Variants in DCHS2 observed in about 807,000 individuals in gnomAD.
DCHS2 encodes the protein dachsous cadherin-related 2, also known as protocadherin-23.
In DCHS2, 142 loss-of-function variants were observed where a neutral mutation model predicts 182.4. The observed-to-expected ratio is 0.78, with a 90% CI of 0.68 to 0.89. The LOEUF (loss-of-function observed/expected upper bound fraction) is 0.89, where lower values mean the gene tolerates loss of function less well. Ranked by LOEUF, DCHS2 falls within the 40% of genes least tolerant of loss-of-function variation. The pLI is 0.00. For synonymous variants in DCHS2, 1,740 were observed against 1,663.3 expected (o/e 1.05, Z -1.12); for missense variants, 4,319 against 4,198.6 (o/e 1.03, Z -0.79).
chr4:154,291,029 A>G (rs1734634468), intron 13 of DCHS2, among the ~76,000 whole-genome samples: 1 of 152,182 alleles, frequency 6.6e-6, no homozygotes, highest in African/African-American at 2.4e-5. Flanking sequence ...AATACTTGCA[A>G]ACTATCTATC....
At chr4:154,444,565 C>T (rs1415977175) in intron 1 of DCHS2, among the ~76,000 whole-genome samples, 1 of 152,190 alleles carries the variant, frequency 6.6e-6, no homozygotes, top group East Asian at 1.9e-4. Context: ...CCAGCACCAC[C>T]TTGCACCTGC....
chr4:154,298,767 G>A (rs1292798098), intron 12 of DCHS2, 59 bp from the exon 13 acceptor site: 2 of 1,516,378 alleles, frequency 1.3e-6, no homozygotes, highest in Non-Finnish European at 1.8e-6. Context: ...CTCTTTGCTA[G>A]CACTATCTAT....
At position 154,333,483 on chromosome 4, in the gene DCHS2, G is replaced by A. The variant is rs752805201; in HGVS notation, c.2725C>T (p.Pro909Ser). The A allele has an allele frequency of 1.7e-5, 28 of 1,607,554 alleles. No homozygotes were observed. In the East Asian group the frequency reaches 6.3e-4, roughly 36 times the overall value. ...KAREPLNSSEPIFYRISSGDL... is the reference protein window; with the variant it reads ...KAREPLNSSESIFYRISSGDL... ...CCAGAAGAAATCCTGTAAAAGATTG[G>A]TTCTGAGGAGTCTGAAAAAGAGAGA... The change falls in exon 5 of 20, where the codon CCA becomes TCA. Residue 909 changes from proline (P) to serine (S), a missense_variant. Coordinates refer to ENST00000357232, the MANE Select transcript of DCHS2 (RefSeq NM_001358235.2).
At position 154,298,690 on chromosome 4, in the gene DCHS2, C is replaced by T. The variant is rs1307180425; in HGVS notation, c.5624G>A (p.Cys1875Tyr). ...TCCTGACATCTCATTTATAGTAAAGCACTCATCAGTATTTCCATCTATTAA... is the reference window on the plus strand; with the variant it reads ...TCCTGACATCTCATTTATAGTAAAGTACTCATCAGTATTTCCATCTATTAA... ...YHIIDGNTDE[C>Y]FTINEMSGEL... Residue 1875 changes from cysteine to tyrosine, a missense_variant, in exon 13 of 20, where the codon TGC (cysteine) becomes TAC (tyrosine). Coordinates refer to ENST00000357232, the MANE Select transcript of DCHS2 (RefSeq NM_001358235.2). 5.1e-6 allele frequency: 8 copies of T among 1,583,590 alleles called. No homozygotes were observed. The highest frequency in any genetic ancestry group is 1.2e-5 in the South Asian group (1 of 86,216).
At chr4:154,488,006 C>T (rs945297785) in intron 1 of DCHS2, among the ~76,000 whole-genome samples, 1 of 151,930 alleles carries the variant, frequency 6.6e-6, no homozygotes, top group African/African-American at 2.4e-5. Flanking sequence ...AGCTGGACCT[C>T]GTCCCTACAC....
intron 2 of DCHS2, among the ~76,000 whole-genome samples, chr4:154,368,619 T>C (rs1048874506): frequency 1.3e-5 from 2 of 151,758 alleles, no homozygotes; most frequent in Admixed American, 1.3e-4. Flanking sequence ...CGGGTTCAAG[T>C]GATTCTCCTA....
At chr4:154,258,217 T>A (rs1253684680) in intron 15 of DCHS2, among the ~76,000 whole-genome samples, 1 of 152,108 alleles carries the variant, frequency 6.6e-6, no homozygotes, top group East Asian at 1.9e-4. Context: ...AAAATACACC[T>A]GCAGTCATAG....
rs1015004921 is a variant in DCHS2, at chr4:154,233,590, T to C, written c.*946A>G. On this transcript the variant is annotated 3_prime_UTR_variant, in exon 20 of 20. Coordinates refer to ENST00000357232, the MANE Select transcript of DCHS2 (RefSeq NM_001358235.2). ...TCTACACAAATTTTAAAAACTGACA[T>C]TGAGTGGATAAATTATTTCACACAA... 14 of 152,190 alleles carry C rather than the reference T, an allele frequency of 9.2e-5. No homozygotes were observed. Among genetic ancestry groups the C allele is most frequent in the Admixed American group, 5.9e-4 (9 of 15,276 alleles). 9.4% of individuals were successfully genotyped at this position (152,190 alleles called of 1,614,324 possible).
Position 154,236,668 on chromosome 4 carries a change from G to A in DCHS2, c.7984C>T (p.Pro2662Ser), listed in dbSNP as rs1188101466. ...TAGCTCAGGCTGCTGAAGTTTGGGG[G>A]ATTGTCATTGACATCAAGTACTTGT... ...SIQVLDVNDN[P>S]PNFSSLSYHT... is the part of the protein sequence containing the mutation. Residue 2662 changes from proline to serine, a missense_variant, in exon 20 of 20, where the codon CCC (proline) becomes TCC (serine). Pro to Ser is a moderately conservative substitution (Grantham distance 74, BLOSUM62 -1). Coordinates refer to ENST00000357232, the MANE Select transcript of DCHS2 (RefSeq NM_001358235.2). 3 of 1,614,042 alleles carry A rather than the reference G, an allele frequency of 1.9e-6. No homozygotes were observed. Among genetic ancestry groups the A allele is most frequent in the East Asian group, 4.5e-5 (2 of 44,860 alleles).
intron 13 of DCHS2, among the ~76,000 whole-genome samples, chr4:154,293,299 T>G (rs913164695): frequency 6.6e-6 from 1 of 151,856 alleles, no homozygotes; most frequent in Admixed American, 6.6e-5. Flanking sequence ...GCCTCCCAGG[T>G]TCAAGCGATT....
chr4:154,394,021 CA>C (rs1422187921), intron 1 of DCHS2, among the ~76,000 whole-genome samples: 1 of 152,106 alleles, frequency 6.6e-6, no homozygotes, highest in African/African-American at 2.4e-5. Flanking sequence ...ACACAGTTGA[CA>C]AAAACTAAAA....
intron 1 of DCHS2, chr4:154,486,344 T>TAGGA: frequency 8.0e-7 from 1 of 1,247,802 alleles, no homozygotes; most frequent in Non-Finnish European, 1.1e-6. Context: ...ACTAGAGTGG[T>TAGGA]AGGACCCCAA....
At chr4:154,437,571 G>T (rs1029037759) in intron 1 of DCHS2, among the ~76,000 whole-genome samples, 1 of 152,072 alleles carries the variant, frequency 6.6e-6, no homozygotes, top group Non-Finnish European at 1.5e-5. Context: ...AGGTTTCTTT[G>T]GAGGGGAAAT....
At chr4:154,441,768 A>G (rs975590834) in intron 1 of DCHS2, among the ~76,000 whole-genome samples, 27 of 152,166 alleles carry the variant, frequency 1.8e-4, no homozygotes, top group Non-Finnish European at 2.6e-4. Flanking sequence ...GTGTTTATAA[A>G]GCACTTCTTG....
intron 3 of DCHS2, chr4:154,343,515 T>C (rs1280336039): frequency 1.3e-6 from 2 of 1,502,960 alleles, no homozygotes; most frequent in Non-Finnish European, 1.8e-6. Context: ...TGCTGCAGCT[T>C]CTCCATCAGC....
chr4:154,349,698 C>T (rs1391997737), intron 3 of DCHS2, among the ~76,000 whole-genome samples: 1 of 152,094 alleles, frequency 6.6e-6, no homozygotes, highest in Non-Finnish European at 1.5e-5. Context: ...GAAATCACAG[C>T]CTTTATGGTA....
chr4:154,395,977 G>C (rs2110859886), intron 1 of DCHS2, among the ~76,000 whole-genome samples: 2 of 152,288 alleles, frequency 1.3e-5, no homozygotes, highest in Middle Eastern at 3.4e-3. Flanking sequence ...CAAGGGAAGA[G>C]TTCTTATTAC....
chr4:154,387,819 G>T (rs1731488142), intron 1 of DCHS2, among the ~76,000 whole-genome samples: 1 of 151,892 alleles, frequency 6.6e-6, no homozygotes, highest in Non-Finnish European at 1.5e-5. Flanking sequence ...GGACTTCAAA[G>T]ATAAAAATAA....
In DCHS2 at chr4:154,322,345, C is replaced by A. The variant is rs747302891; in HGVS notation, c.4162G>T (p.Val1388Phe). ...GACAACATTACCTGAATATTAACAA[C>A]TGCCTGTCCTTGAAGAGGAGGCACT... ...QGVPPLQGQA[V>F]VNIQVIPLSK... Residue 1388 changes from valine (V) to phenylalanine (F), a missense_variant, in exon 8 of 20, where the codon GTT becomes TTT. Val to Phe is a conservative substitution (Grantham distance 50). Coordinates refer to ENST00000357232, the MANE Select transcript of DCHS2 (RefSeq NM_001358235.2). 5.0e-6 allele frequency: 8 copies of A among 1,613,466 alleles called. No homozygotes were observed. In the African/African-American group the frequency reaches 5.3e-5, roughly 11 times the overall value.
Sources: gnomAD v4.1 joint callset for allele counts (sites outside exome capture counted in the v4.1 genomes callset) on GRCh38, gnomAD v4.1.1 for gene constraint, MANE v1.5 for transcripts, NCBI Gene and HGNC (gene_info 2026-07-23, HGNC 2026-07-21) for gene names.